The following MYO1E variants were observed in gnomAD, a reference collection of about 807,000 sequenced individuals.
The protein encoded by MYO1E is unconventional myosin-Ie.
A neutral mutation model predicts 151.1 loss-of-function variants in MYO1E; 68 were observed. The observed-to-expected ratio is 0.45, with a 90% CI of 0.37 to 0.55. MYO1E has a LOEUF of 0.55. MYO1E is among the 20% of genes least tolerant of loss of function. The pLI is 0.00. For synonymous variants in MYO1E, 601 were observed against 501.7 expected, an observed-to-expected ratio of 1.20 and a Z score of -2.64; for missense variants, 1,363 against 1,389.3, an observed-to-expected ratio of 0.98 and a Z score of 0.30.
intron 1 of MYO1E, among the ~76,000 whole-genome samples, chr15:59,321,119 C>G (rs2080623133): frequency 6.6e-6 from 1 of 152,114 alleles, no homozygotes; most frequent in South Asian, 2.1e-4. Flanking sequence ...AAATACAAAT[C>G]AAAACCACAA....
intron 25 of MYO1E, among the ~76,000 whole-genome samples, chr15:59,154,146 A>C (rs1178900566): frequency 6.6e-6 from 1 of 152,224 alleles, no homozygotes; most frequent in Admixed American, 6.5e-5. Context: ...TTCAAAGCCC[A>C]CAGTAAGGTA....
chr15:59,264,537 C>T (rs1341893337), intron 2 of MYO1E, among the ~76,000 whole-genome samples: 2 of 152,122 alleles, frequency 1.3e-5, no homozygotes, highest in Non-Finnish European at 2.9e-5. Flanking sequence ...TTGGTACATA[C>T]TTATAGTAAA....
chr15:59,182,106 G>C (rs1432393623), intron 18 of MYO1E, among the ~76,000 whole-genome samples: 1 of 152,198 alleles, frequency 6.6e-6, no homozygotes, highest in East Asian at 1.9e-4. Flanking sequence ...CTTTTGAGTG[G>C]ACTGCTTCAA....
intron 1 of MYO1E, among the ~76,000 whole-genome samples, chr15:59,286,269 G>T (rs758417266): frequency 6.6e-6 from 1 of 152,176 alleles, no homozygotes; most frequent in Non-Finnish European, 1.5e-5. Flanking sequence ...TTATTTATAA[G>T]TCATGCAAAA....
chr15:59,253,430 G>C (rs558092684), intron 4 of MYO1E, among the ~76,000 whole-genome samples: 1 of 151,408 alleles, frequency 6.6e-6, no homozygotes, highest in African/African-American at 2.4e-5. Context: ...GAAGTGCACA[G>C]CATCACTGAT....
At chr15:59,324,021 T>C (rs1170527958) in intron 1 of MYO1E, among the ~76,000 whole-genome samples, 1 of 150,390 alleles carries the variant, frequency 6.6e-6, no homozygotes. Flanking sequence ...AGAGCTGAGA[T>C]TCAAGATCTA....
At chr15:59,236,826 A>G (rs2080069758) in intron 4 of MYO1E, among the ~76,000 whole-genome samples, 154 bp from the exon 5 acceptor site, 1 of 152,220 alleles carries the variant, frequency 6.6e-6, no homozygotes, top group Non-Finnish European at 1.5e-5. Context: ...ACCAGTAGAG[A>G]AAGGCAAGTT....
chr15:59,225,613 C>T lies in MYO1E; in HGVS notation c.643-790G>A, dbSNP rs114651733. Among the ~76,000 whole-genome samples, 246 of 151,746 alleles carry T rather than the reference C, an allele frequency of 1.6e-3. 1 individual carries two copies. Among genetic ancestry groups the T allele is most frequent in the African/African-American group, 5.5e-3 (227 of 41,414 alleles). On this transcript the variant is annotated intron_variant, in intron 7 of 27. Coordinates refer to ENST00000288235, the MANE Select transcript of MYO1E (RefSeq NM_004998.4). ...TCCCCACATCCACTCCCAAGTATTT[C>T]GTAGCTTCAAGAATTTCTTTTTCTT...
Position 59,132,902 on chromosome 15 carries a change from G to C in MYO1E, c.*4478C>G, listed in dbSNP as rs746832806. On this transcript the variant is annotated 3_prime_UTR_variant, in exon 28 of 28. Transcript: ENST00000288235. ...TGAATCAGAGGATTCAGATTTGTTAGATGGAGCTCCTGCCCATTAAAGGAG... is the reference window on the plus strand; with the variant it reads ...TGAATCAGAGGATTCAGATTTGTTACATGGAGCTCCTGCCCATTAAAGGAG... 1.3e-5 allele frequency: 2 copies of C among 152,204 alleles called. No individual in the cohort carries two copies. Among genetic ancestry groups the C allele is most frequent in the Non-Finnish European group, 2.9e-5 (2 of 68,036 alleles). The allele number at this position is 152,204 out of a possible 1,614,324, so 9.4% of individuals were successfully genotyped here. A position where few individuals can be genotyped will look rare whatever the true frequency, so the allele number is the denominator to read the frequency against.
chr15:59,140,650 C>A (rs1409138037), intron 26 of MYO1E, among the ~76,000 whole-genome samples: 1 of 152,142 alleles, frequency 6.6e-6, no homozygotes, highest in Non-Finnish European at 1.5e-5. Context: ...TTGAGCTGTG[C>A]TCTCAGGAGC....
At chr15:59,241,662 C>T (rs1377420603) in intron 4 of MYO1E, among the ~76,000 whole-genome samples, 3 of 151,878 alleles carry the variant, frequency 2.0e-5, no homozygotes, top group African/African-American at 4.8e-5. Flanking sequence ...TGAGACTGCA[C>T]GACTGCACTC....
chr15:59,195,396 G>T, intron 17 of MYO1E, 65 bp downstream of exon 17: 1 of 1,375,138 alleles, frequency 7.3e-7, no homozygotes, highest in Non-Finnish European at 1.0e-6. Flanking sequence ...CTGTGATGGA[G>T]GACGGCTCAT....
In MYO1E at chr15:59,173,788, A is replaced by C. The variant is rs1375165045; in HGVS notation, c.2292T>G (p.Ile764Met). ...ACTTGGTGACTGTGTCTGCGAAATC[A>C]ATCTTCTCCCTCTTGCCCACGAACT... ...LQQFVGKREK[I>M]DFADTVTKYD... is the part of the protein sequence containing the mutation. The change falls in exon 21 of 28, where the codon ATT becomes ATG. Residue 764 changes from isoleucine (I) to methionine (M), a missense_variant. Physicochemically the swap from Ile to Met is conservative, Grantham distance 10 (BLOSUM62 1). Transcript: ENST00000288235. 2 of 1,614,060 alleles carry C rather than the reference A, an allele frequency of 1.2e-6. No homozygotes were observed. The highest frequency in any genetic ancestry group is 1.7e-5 in the Admixed American group (1 of 60,024).
chr15:59,249,759 TC>T (rs2080152931), intron 4 of MYO1E, among the ~76,000 whole-genome samples: 1 of 152,148 alleles, frequency 6.6e-6, no homozygotes, highest in African/African-American at 2.4e-5. Flanking sequence ...TCTTCCAGCC[TC>T]CAAGAAAATG....
intron 1 of MYO1E, among the ~76,000 whole-genome samples, chr15:59,368,275 A>C (rs1239711074): frequency 6.6e-6 from 1 of 152,148 alleles, no homozygotes; most frequent in African/African-American, 2.4e-5. Flanking sequence ...TTCCATATTT[A>C]CTCTCTAGAG....
intron 23 of MYO1E, among the ~76,000 whole-genome samples, chr15:59,162,888 T>G (rs2079545866): frequency 6.6e-6 from 1 of 152,214 alleles, no homozygotes; most frequent in Non-Finnish European, 1.5e-5. Context: ...AAATCTGCCT[T>G]TGTCTGCCTC....
intron 14 of MYO1E, chr15:59,207,905 T>A: frequency 6.2e-7 from 1 of 1,614,148 alleles, no homozygotes; most frequent in Non-Finnish European, 8.5e-7. Flanking sequence ...ATACATCCAG[T>A]TTCCACCATA....
chr15:59,350,660 A>T lies in MYO1E; in HGVS notation c.3+21838T>A, dbSNP rs1252865995. 6.6e-6 allele frequency among the ~76,000 whole-genome samples: 1 copy of T among 152,240 alleles called. No individual in the cohort carries two copies. Among genetic ancestry groups the T allele is most frequent in the Non-Finnish European group, 1.5e-5 (1 of 68,034 alleles). ...AAGGGAAAGATGGTGAATTCTGAAA[A>T]ATATAAAGAAATGTAAATTATCTCT... On this transcript the variant is annotated intron_variant, in intron 1 of 27. Transcript: ENST00000288235. The surrounding 1 kb of genome is among the most constrained non-coding windows in gnomAD (Gnocchi z 5.0).
At chr15:59,149,257 C>T (rs947790702) in intron 26 of MYO1E, among the ~76,000 whole-genome samples, 2 of 151,968 alleles carry the variant, frequency 1.3e-5, no homozygotes, top group African/African-American at 2.4e-5. Flanking sequence ...GGGGTTTCAC[C>T]GTGTTAATCA....
Sources: allele counts gnomAD v4.1 joint callset (sites outside exome capture counted in the v4.1 genomes callset), GRCh38; gene constraint gnomAD v4.1.1; non-coding constraint Gnocchi (gnomAD v3.1); transcripts MANE v1.5; gene names NCBI Gene and HGNC (gene_info 2026-07-23, HGNC 2026-07-21).